The following PRSS12 variants were observed in gnomAD, a reference collection of about 807,000 sequenced individuals.
The protein encoded by PRSS12 is serine protease 12.
In PRSS12, 85 loss-of-function variants were observed where a neutral mutation model predicts 104.4. The observed-to-expected ratio is 0.81, with a 90% CI of 0.68 to 0.98. PRSS12 has a LOEUF of 0.98. PRSS12 is among the 50% of genes least tolerant of loss of function. The probability of loss-of-function intolerance (pLI) is 0.00; values close to 1 mark genes in which losing one functional copy is unlikely to be tolerated. For missense variants in PRSS12, 1,141 were observed against 1,139.2 expected (o/e 1.00, Z -0.02); for synonymous variants, 454 against 425.2 (o/e 1.07, Z -0.83).
At chr4:118,318,699 C>G (rs1723521159) in intron 4 of PRSS12, 143 bp from the exon 5 acceptor site, 1 of 883,066 alleles carries the variant, frequency 1.1e-6, no homozygotes, top group African/African-American at 1.7e-5. Context: ...TTCTGTATTT[C>G]TTTTTTGTAT....
rs144801630 is a variant in PRSS12 at position 118,305,118 on chromosome 4, T to C, written c.1631+3318A>G. 7.5e-3 allele frequency among the ~76,000 whole-genome samples: 1,115 copies of C among 148,206 alleles called. 6 individuals carry two copies. Among genetic ancestry groups the C allele is most frequent in the African/African-American group, 0.022 (895 of 40,740 alleles). ...TTTATAATTTATATATATATATATATATACACACACACACACACATATATA... is the reference window on the plus strand; with the variant it reads ...TTTATAATTTATATATATATATATACATACACACACACACACACATATATA... On this transcript the variant is annotated intron_variant, in intron 8 of 12. Transcript: ENST00000296498.
intron 4 of PRSS12, among the ~76,000 whole-genome samples, chr4:118,330,776 C>G (rs1723897688): frequency 6.6e-6 from 1 of 152,074 alleles, no homozygotes; most frequent in African/African-American, 2.4e-5. Flanking sequence ...TGTTTATAGA[C>G]AAAGTGTTAA....
rs557154907 is a variant in PRSS12, at chr4:118,322,519, C to T, written c.972-3963G>A. Among the ~76,000 whole-genome samples, 281 of 151,116 alleles carry T rather than the reference C, an allele frequency of 1.9e-3. 1 individual carries two copies. The highest frequency in any genetic ancestry group is 6.7e-3 in the African/African-American group (274 of 41,128). On this transcript the variant is annotated intron_variant, in intron 4 of 12. Coordinates refer to ENST00000296498, the MANE Select transcript of PRSS12 (RefSeq NM_003619.4). The stretch of plus-strand genomic sequence containing the variant: ...TGAGATTGCGCCACTGCACTCCAGC[C>T]TGCCTGGGTGACACAGCGAGACTCC...
At chr4:118,346,425 T>C (rs187281815) in intron 1 of PRSS12, among the ~76,000 whole-genome samples, 100 of 149,712 alleles carry the variant, frequency 6.7e-4, no homozygotes, top group Non-Finnish European at 1.1e-3. Flanking sequence ...ATACCCTTCT[T>C]TCCCCTAAAC....
chr4:118,352,470 TGCCCGGCCTGGAGGGCGTGC>T lies in PRSS12; in HGVS notation c.231_250del (p.Leu80ProfsTer92). The T allele has an allele frequency of 1.4e-6, 2 of 1,389,190 alleles. No individual in the cohort carries two copies. Among genetic ancestry groups the T allele is most frequent in the Non-Finnish European group, 1.9e-6 (2 of 1,079,212 alleles). The allele number at this position is 1,389,190 out of a possible 1,614,324, so 86.1% of individuals were successfully genotyped here. ...GCCCCAGGGGTGCGGCCGGGGCGTGTGCCCGGCCTGGAGGGCGTGCGGGCGCTGGGCAGGGAGCGCCCGCG... is the reference window on the plus strand; with the variant it reads ...GCCCCAGGGGTGCGGCCGGGGCGTGTGGGCGCTGGGCAGGGAGCGCCCGCG... On this transcript the variant is annotated frameshift_variant, in exon 1 of 13. Coordinates refer to ENST00000296498, the MANE Select transcript of PRSS12 (RefSeq NM_003619.4). LOFTEE classifies it high-confidence loss of function.
At chr4:118,309,537 T>G (rs1743650849) in intron 7 of PRSS12, among the ~76,000 whole-genome samples, 1 of 152,076 alleles carries the variant, frequency 6.6e-6, no homozygotes, top group South Asian at 2.1e-4. Flanking sequence ...CCTACTGACA[T>G]TTGATTGTGG....
chr4:118,343,225 C>CAA (rs925840370), intron 1 of PRSS12, among the ~76,000 whole-genome samples: 3 of 133,742 alleles, frequency 2.2e-5, no homozygotes, highest in Non-Finnish European at 3.3e-5. Flanking sequence ...ACTGTCTTTA[C>CAA]AAAAAAAAAA....
intron 1 of PRSS12, among the ~76,000 whole-genome samples, chr4:118,351,355 A>G (rs1724499389): frequency 6.6e-6 from 1 of 152,162 alleles, no homozygotes; most frequent in Non-Finnish European, 1.5e-5. Flanking sequence ...AACAAAAAAA[A>G]AAACCTAATT....
At chr4:118,296,003 T>C (rs1263202170) in intron 9 of PRSS12, 147 bp from the exon 10 acceptor site, 1 of 749,686 alleles carries the variant, frequency 1.3e-6, no homozygotes, top group African/African-American at 1.8e-5. Flanking sequence ...CAAAAATAGT[T>C]TTCTCATTTG....
At chr4:118,285,198 C>T (rs1742987484) in intron 11 of PRSS12, among the ~76,000 whole-genome samples, 1 of 152,164 alleles carries the variant, frequency 6.6e-6, no homozygotes, top group Non-Finnish European at 1.5e-5. Context: ...TAAATCATCA[C>T]ATATCTTTAA....
At chr4:118,338,367 A>T (rs986774431) in intron 1 of PRSS12, 53 bp from the exon 2 acceptor site, 2 of 1,603,932 alleles carry the variant, frequency 1.2e-6, no homozygotes, top group African/African-American at 2.7e-5. Flanking sequence ...TCATTTGAAC[A>T]TATTGAGCCA....
chr4:118,291,985 G>T (rs957745087), intron 11 of PRSS12, among the ~76,000 whole-genome samples: 6 of 151,934 alleles, frequency 3.9e-5, no homozygotes, highest in Non-Finnish European at 8.8e-5. Flanking sequence ...TGGAGGACCA[G>T]TCAATAAGTG....
intron 1 of PRSS12, among the ~76,000 whole-genome samples, chr4:118,346,372 G>C (rs569535512): frequency 2.7e-5 from 4 of 148,644 alleles, no homozygotes; most frequent in African/African-American, 9.7e-5. Context: ...TCTTCCAAAA[G>C]CATCTTTATT....
At chr4:118,282,311 C>A in intron 12 of PRSS12, 68 bp from the exon 13 acceptor site, 1 of 1,571,612 alleles carries the variant, frequency 6.4e-7, no homozygotes, top group Non-Finnish European at 8.8e-7. Flanking sequence ...AGTTACTGAG[C>A]ATGTAATAGT....
chr4:118,316,303 C>G lies in PRSS12; in HGVS notation c.1171G>C (p.Gly391Arg). The G allele has an allele frequency of 1.2e-6, 2 of 1,614,058 alleles. No individual in the cohort carries two copies. The highest frequency in any genetic ancestry group is 2.2e-5 in the South Asian group (2 of 91,078). ...PLTDGVIRLA[G>R]GKGSHEGRLE... Reference sequence around the variant, plus strand: ...CGACCCTCATGGCTGCCTTTCCCACCTGCAAGTCTGATGACCCCATCTGTG... The same window carrying G: ...CGACCCTCATGGCTGCCTTTCCCACGTGCAAGTCTGATGACCCCATCTGTG... Residue 391 changes from glycine to arginine, a missense_variant, in exon 6 of 13, where the codon GGT becomes CGT. Transcript: ENST00000296498.
At position 118,352,533 on chromosome 4, in the gene PRSS12, G is replaced by C; in HGVS notation, c.188C>G (p.Pro63Arg). The C allele has an allele frequency of 6.7e-7, 1 of 1,494,596 alleles. No individual in the cohort carries two copies. 92.6% of individuals were successfully genotyped at this position (1,494,596 alleles called of 1,614,324 possible). A position where few individuals can be genotyped will look rare whatever the true frequency, so the allele number is the denominator to read the frequency against. ...CGCCCGCGGGGGGCGCGGGAAGCGC[G>C]GGAGAGGCGGCGGCGGACGCGTCCT... ...PPRTRPPPPLPRFPRPPRALP... is the reference protein window; with the variant it reads ...PPRTRPPPPLRRFPRPPRALP... Residue 63 changes from proline (P) to arginine (R), a missense_variant, in exon 1 of 13, where the codon CCG becomes CGG. Physicochemically the swap from Pro to Arg is moderately radical, Grantham distance 103. Coordinates refer to ENST00000296498, the MANE Select transcript of PRSS12 (RefSeq NM_003619.4).
At chr4:118,320,490 G>A (rs370099855) in intron 4 of PRSS12, among the ~76,000 whole-genome samples, 7 of 152,068 alleles carry the variant, frequency 4.6e-5, no homozygotes, top group African/African-American at 1.7e-4. Context: ...AGTGGCTCAC[G>A]CCTGTAATCC....
At chr4:118,306,639 T>C (rs1743560815) in intron 8 of PRSS12, among the ~76,000 whole-genome samples, 5 of 152,208 alleles carry the variant, frequency 3.3e-5, no homozygotes. Context: ...ATGAGGGATC[T>C]GCCCCCATGA....
At chr4:118,345,950 T>G (rs573150640) in intron 1 of PRSS12, among the ~76,000 whole-genome samples, 1 of 152,314 alleles carries the variant, frequency 6.6e-6, no homozygotes, top group Admixed American at 6.5e-5. Flanking sequence ...GTAATCATGG[T>G]AATTGTACAT....
Sources: allele counts gnomAD v4.1 joint callset (sites outside exome capture counted in the v4.1 genomes callset), GRCh38; gene constraint gnomAD v4.1.1; transcripts MANE v1.5; gene names NCBI Gene and HGNC (gene_info 2026-07-23, HGNC 2026-07-21).